UNC79: variants seen among roughly 807,000 people sequenced by gnomAD.
UNC79 encodes unc-79 subunit of NALCN channel complex, also known as protein unc-79 homolog.
A neutral mutation model predicts 283.1 loss-of-function variants in UNC79; 37 were observed. The ratio of observed to expected loss-of-function variants is 0.13; its 90% CI spans 0.10 to 0.17. UNC79 has a LOEUF of 0.17. Ranked by LOEUF, UNC79 falls within the 10% of genes least tolerant of loss-of-function variation. The probability of loss-of-function intolerance (pLI) is 1.00; values close to 1 mark genes in which losing one functional copy is unlikely to be tolerated. For synonymous variants in UNC79, 1,107 were observed against 1,200.2 expected (o/e 0.92, Z 1.61); for missense variants, 2,272 against 3,211.1 (o/e 0.71, Z 7.07).
chr14:93,475,613 G>A (rs1006204361), intron 3 of UNC79, among the ~76,000 whole-genome samples: 3 of 152,114 alleles, frequency 2.0e-5, no homozygotes, highest in Non-Finnish European at 4.4e-5. Flanking sequence ...TTAAATGAGA[G>A]GATTCTTAAC....
At chr14:93,626,869 C>G (rs1003501279) in intron 30 of UNC79, among the ~76,000 whole-genome samples, 1 of 152,090 alleles carries the variant, frequency 6.6e-6, no homozygotes, top group East Asian at 1.9e-4. Context: ...CTCCAATTTT[C>G]TTCCAGTCTG....
At chr14:93,641,889 G>T (rs2069071186) in intron 33 of UNC79, among the ~76,000 whole-genome samples, 1 of 152,186 alleles carries the variant, frequency 6.6e-6, no homozygotes, top group Non-Finnish European at 1.5e-5. Flanking sequence ...TCTCATGGCA[G>T]TGAATAAGTC....
chr14:93,697,477 T>A (rs1186337667), intron 47 of UNC79, among the ~76,000 whole-genome samples: 1 of 152,192 alleles, frequency 6.6e-6, no homozygotes, highest in East Asian at 1.9e-4. Context: ...TGCGTTACTA[T>A]AGCTTTATAA....
rs1437736801 is a variant in UNC79 at position 93,529,357 on chromosome 14, G to A, written c.1093+31G>A. On this transcript the variant is annotated intron_variant, in intron 10 of 48. Coordinates refer to ENST00000555664, the Ensembl canonical transcript of UNC79. Reference sequence around the variant, plus strand: ...GTTTACTTAGGAAAGGATGAATAATGAGTAATCATGACTAATGACATAGTT... The same window carrying A: ...GTTTACTTAGGAAAGGATGAATAATAAGTAATCATGACTAATGACATAGTT... The A allele has an allele frequency of 2.5e-6, 4 of 1,609,660 alleles. No individual in the cohort carries two copies. The African/African-American group carries it at 5.4e-5, about 22-fold the overall frequency.
chr14:93,616,444 C>T (rs1466070703), intron 27 of UNC79, among the ~76,000 whole-genome samples: 1 of 145,518 alleles, frequency 6.9e-6, no homozygotes, highest in Non-Finnish European at 1.5e-5. Flanking sequence ...TCATGGCTCA[C>T]TGCAGCCTCG....
chr14:93,562,395 T>C lies in UNC79; in HGVS notation c.1756-9499T>C, dbSNP rs150068672. ...GGAAGATAGTTGCCTAGAGGACTGC[T>C]GTCTGGGACGAGGTTGGGGCTGAGC... On this transcript the variant is annotated intron_variant, in intron 14 of 48. Coordinates refer to ENST00000555664, the Ensembl canonical transcript of UNC79. 2.9e-3 allele frequency among the ~76,000 whole-genome samples: 446 copies of C among 152,336 alleles called. 1 individual carries two copies. The highest frequency in any genetic ancestry group is 0.01 in the African/African-American group (420 of 41,562).
intron 28 of UNC79, 46 bp from the exon 30 acceptor site, chr14:93,618,146 C>A: frequency 6.4e-7 from 1 of 1,570,280 alleles, no homozygotes; most frequent in South Asian, 1.2e-5. Context: ...AAAGCTTACC[C>A]TCTAAAATAA....
intron 38 of UNC79, among the ~76,000 whole-genome samples, chr14:93,658,890 C>T (rs996882265): frequency 6.6e-6 from 1 of 152,120 alleles, no homozygotes; most frequent in Admixed American, 6.6e-5. Context: ...ATCCACCCAT[C>T]CATCCACCAT....
chr14:93,622,601 G>A (rs201187576), exon 30 of UNC79: 2 of 1,614,164 alleles, frequency 1.2e-6, no homozygotes, highest in Non-Finnish European at 1.7e-6. Context: ...CCTCCTCAAA[G>A]TTCCCGAAGA....
At chr14:93,444,337 T>C (rs912485910) in intron 1 of UNC79, among the ~76,000 whole-genome samples, 2 of 152,214 alleles carry the variant, frequency 1.3e-5, no homozygotes, top group African/African-American at 2.4e-5. Context: ...ATATTCTGAA[T>C]ACAAGTTCAT....
At chr14:93,336,087 A>G (rs1415172767) in intron 1 of UNC79, among the ~76,000 whole-genome samples, 1 of 151,782 alleles carries the variant, frequency 6.6e-6, no homozygotes, top group Non-Finnish European at 1.5e-5. Context: ...CCCCTTTTTT[A>G]CCACACATAA....
rs138584952 is a variant in UNC79, at chr14:93,547,747, T to C, written c.1755+5051T>C. On this transcript the variant is annotated intron_variant, in intron 14 of 48. Coordinates refer to ENST00000555664, the Ensembl canonical transcript of UNC79. ...GGCTCATGCCTGTAATCCCAGCACT[T>C]TGGGAGACCGAGGTTGGAGAATCAC... Among the ~76,000 whole-genome samples the C allele has an allele frequency of 3.9e-5, 6 of 152,212 alleles. No homozygotes were observed. The East Asian group carries it at 1.2e-3, about 29-fold the overall frequency.
intron 26 of UNC79, 23 bp downstream of exon 26, chr14:93,603,441 T>C: frequency 6.2e-7 from 1 of 1,610,832 alleles, no homozygotes; most frequent in Non-Finnish European, 8.5e-7. Flanking sequence ...CTTTCATCCT[T>C]CCGTTAAATC....
At chr14:93,680,260 G>C (rs536353191) in intron 41 of UNC79, among the ~76,000 whole-genome samples, 1 of 152,150 alleles carries the variant, frequency 6.6e-6, no homozygotes, top group South Asian at 2.1e-4. Flanking sequence ...AGTATTATAG[G>C]TGAGAAAGTG....
At chr14:93,433,406 C>T (rs1397736337) in intron 1 of UNC79, among the ~76,000 whole-genome samples, 1 of 152,034 alleles carries the variant, frequency 6.6e-6, no homozygotes, top group Non-Finnish European at 1.5e-5. Context: ...GAAAATAAAG[C>T]AAAAACACAA....
chr14:93,402,257 A>G (rs948887151), intron 1 of UNC79, among the ~76,000 whole-genome samples: 10 of 142,674 alleles, frequency 7.0e-5, no homozygotes, highest in African/African-American at 2.4e-4. Context: ...AGCCTGAGTG[A>G]CAGAGTGAGA....
chr14:93,512,636 C>T (rs568190906), intron 7 of UNC79, among the ~76,000 whole-genome samples: 4 of 152,098 alleles, frequency 2.6e-5, no homozygotes, highest in South Asian at 4.1e-4. Flanking sequence ...TCTTCTGCTG[C>T]GTCCAATATT....
chr14:93,559,188 C>A (rs1198146924), intron 14 of UNC79, among the ~76,000 whole-genome samples: 1 of 152,178 alleles, frequency 6.6e-6, no homozygotes, highest in Non-Finnish European at 1.5e-5. Flanking sequence ...GGGAAGTGAC[C>A]TACAGAAATT....
chr14:93,594,182 T>C (rs1237925938), intron 23 of UNC79, among the ~76,000 whole-genome samples: 1 of 152,088 alleles, frequency 6.6e-6, no homozygotes, highest in Non-Finnish European at 1.5e-5. Flanking sequence ...ACTGGGAATG[T>C]TTGTTAAAAT....
Sources: gnomAD v4.1 joint callset for allele counts (sites outside exome capture counted in the v4.1 genomes callset) on GRCh38, gnomAD v4.1.1 for gene constraint, MANE v1.5 for transcripts, NCBI Gene and HGNC (gene_info 2026-07-23, HGNC 2026-07-21) for gene names.